Variants in ZNF318 observed in about 807,000 individuals in gnomAD.
ZNF318 encodes the protein zinc finger protein 318, also known as endocrine regulator.
A neutral mutation model predicts 124.2 loss-of-function variants in ZNF318; 51 were observed. That is an observed-to-expected ratio of 0.41 (90% confidence interval 0.33 to 0.52). ZNF318 has a LOEUF of 0.52. ZNF318 is among the 20% of genes least tolerant of loss of function. The pLI is 0.23. For missense variants in ZNF318, 2,815 were observed against 2,811.2 expected, an observed-to-expected ratio of 1.00 and a Z score of -0.03; for synonymous variants, 1,090 against 1,040.7, an observed-to-expected ratio of 1.05 and a Z score of -0.91.
chr6:43,340,997 A>G (rs1779367735), intron 8 of ZNF318, 89 bp from the exon 9 acceptor site: 1 of 976,798 alleles, frequency 1.0e-6, no homozygotes, highest in Non-Finnish European at 1.6e-6. Context: ...CCTTTGCAGT[A>G]AAATGGTTAC....
At chr6:43,354,360 T>C (rs1000401212) in intron 4 of ZNF318, among the ~76,000 whole-genome samples, 1 of 152,202 alleles carries the variant, frequency 6.6e-6, no homozygotes, top group Non-Finnish European at 1.5e-5. Flanking sequence ...CGAAATCATA[T>C]TGAAGACTTC....
chr6:43,360,618 T>C (rs1324493586), intron 2 of ZNF318, among the ~76,000 whole-genome samples: 1 of 152,252 alleles, frequency 6.6e-6, no homozygotes, highest in African/African-American at 2.4e-5. Context: ...TGTATGTCCA[T>C]ATAAAAACTT....
intron 9 of ZNF318, 107 bp from the exon 10 acceptor site, chr6:43,340,609 C>G (rs1406342664): frequency 6.0e-6 from 9 of 1,496,978 alleles, no homozygotes; most frequent in African/African-American, 1.4e-5. Flanking sequence ...CCAGAATTAT[C>G]TTCCTCAAGG....
At chr6:43,360,249 G>A (rs1160244030) in intron 2 of ZNF318, among the ~76,000 whole-genome samples, 1 of 152,098 alleles carries the variant, frequency 6.6e-6, no homozygotes, top group African/African-American at 2.4e-5. Context: ...ATCTCCAGTA[G>A]AGACAGAAAA....
Position 43,369,418 on chromosome 6 carries a change from C to T in ZNF318, c.-53G>A, listed in dbSNP as rs1779807829. The T allele has an allele frequency of 8.6e-7, 1 of 1,161,118 alleles. No homozygotes were observed. Among genetic ancestry groups the T allele is most frequent in the Non-Finnish European group, 1.1e-6 (1 of 941,962 alleles). 71.9% of individuals were successfully genotyped at this position (1,161,118 alleles called of 1,614,324 possible). A position where few individuals can be genotyped will look rare whatever the true frequency, so the allele number is the denominator to read the frequency against. On this transcript the variant is annotated 5_prime_UTR_variant, in exon 1 of 10. Transcript: ENST00000361428. Reference sequence around the variant, plus strand: ...AGCTCTGACCCGGGGGCGCCCTAGACGCAGGCTCGGAGCGCGCCGCCGCAG... The same window carrying T: ...AGCTCTGACCCGGGGGCGCCCTAGATGCAGGCTCGGAGCGCGCCGCCGCAG...
chr6:43,355,894 C>A lies in ZNF318; in HGVS notation c.1440G>T (p.Leu480Phe), dbSNP rs779396833. The A allele has an allele frequency of 1.9e-6, 3 of 1,614,206 alleles. No homozygotes were observed. Among genetic ancestry groups the A allele is most frequent in the South Asian group, 1.1e-5 (1 of 91,088 alleles). ...FGSFLCHKDNLDLKAEGPERH... is the reference protein window; with the variant it reads ...FGSFLCHKDNFDLKAEGPERH... ...GCTCAGGTCCCTCAGCCTTCAAATC[C>A]AAATTATCCTTGTGGCATAGAAAAC... is the stretch of plus-strand genomic sequence containing the variant. Residue 480 changes from leucine (L) to phenylalanine (F), a missense_variant, in exon 4 of 10, where the codon TTG becomes TTT. Around this residue, in one of 4 missense-constraint regions of ZNF318, gnomAD observed 1,377 missense variants for 1,353.5 expected, o/e 1.02. Coordinates refer to ENST00000361428, the MANE Select transcript of ZNF318 (RefSeq NM_014345.3).
chr6:43,368,605 G>C (rs893386946), intron 1 of ZNF318: 28 of 936,540 alleles, frequency 3.0e-5, no homozygotes, highest in Non-Finnish European at 1.9e-5. Context: ...GGTGTAAGGG[G>C]ATGAAAAGTA....
chr6:43,349,242 T>C (rs1779495049), intron 5 of ZNF318, among the ~76,000 whole-genome samples: 1 of 152,188 alleles, frequency 6.6e-6, no homozygotes, highest in South Asian at 2.1e-4. Flanking sequence ...AAAACATTAA[T>C]AAGTGTTGTA....
At chr6:43,368,855 G>A (rs545824061) in intron 1 of ZNF318, 112 bp downstream of exon 1, 350 of 1,237,918 alleles carry the variant, frequency 2.8e-4, no homozygotes, top group Non-Finnish European at 3.3e-4. Context: ...GAGTTGGCCG[G>A]AGGCTTCGCG....
In ZNF318 at chr6:43,357,356, G is replaced by A. The variant is rs1303028729; in HGVS notation, c.958C>T (p.Leu320Phe). The A allele has an allele frequency of 6.2e-7, 1 of 1,614,172 alleles. No homozygotes were observed. Among genetic ancestry groups the A allele is most frequent in the Admixed American group, 1.7e-5 (1 of 60,018 alleles). ...TCTTCCTCTCGCTTTCGTCTGGCAAGATCCAGTTCTCGAAACTCAGGGTCG... is the reference window on the plus strand; with the variant it reads ...TCTTCCTCTCGCTTTCGTCTGGCAAAATCCAGTTCTCGAAACTCAGGGTCG... ...FLDPEFRELDLARRKREEEEE... is the reference protein window; with the variant it reads ...FLDPEFRELDFARRKREEEEE... The change falls in exon 3 of 10, where the codon CTT (leucine) becomes TTT (phenylalanine). Residue 320 changes from leucine (L) to phenylalanine (F), a missense_variant. By Grantham distance (22) the Leu-to-Phe change is conservative. Around this residue, in one of 4 missense-constraint regions of ZNF318, gnomAD observed 1,377 missense variants for 1,353.5 expected, o/e 1.02. Coordinates refer to ENST00000361428, the MANE Select transcript of ZNF318 (RefSeq NM_014345.3).
chr6:43,349,541 T>C (rs1344338759), intron 5 of ZNF318, among the ~76,000 whole-genome samples: 1 of 152,048 alleles, frequency 6.6e-6, no homozygotes, highest in African/African-American at 2.4e-5. Context: ...TTTAATGTTA[T>C]CTCCTGTTCC....
rs199983285 is a variant in ZNF318 at position 43,357,315 on chromosome 6, C to T, written c.999G>A (p.Arg333=). The part of the protein sequence containing the change: ...RKREEEEERS[R]SLSQELVGVD... ...CTCCAACCAGCTCCTGACTCAAGCT[C>T]CTACTTCGCTCCTCCTCTTCCTCTC... is the stretch of plus-strand genomic sequence containing the variant. The change falls in exon 3 of 10, where the codon AGG becomes AGA. Residue 333 remains arginine, a synonymous_variant. Transcript: ENST00000361428. 6.2e-7 allele frequency: 1 copy of T among 1,614,184 alleles called. No homozygotes were observed. Among genetic ancestry groups the T allele is most frequent in the Non-Finnish European group, 8.5e-7 (1 of 1,180,008 alleles).
rs1422085470 is a variant in ZNF318 at position 43,365,378 on chromosome 6, A to T, written c.462T>A (p.Asn154Lys). 1 of 1,614,240 alleles carries T rather than the reference A, an allele frequency of 6.2e-7. No homozygotes were observed. The highest frequency in any genetic ancestry group is 8.5e-7 in the Non-Finnish European group (1 of 1,180,040). The change falls in exon 2 of 10, where the codon AAT becomes AAA. Residue 154 changes from asparagine to lysine, a missense_variant. Physicochemically the swap from Asn to Lys is moderately conservative, Grantham distance 94 (BLOSUM62 0). Transcript: ENST00000361428. ...LEKSLRITVG[N>K]DHFCVSTPER... The stretch of plus-strand genomic sequence containing the variant: ...CTGGTGTGCTAACACAGAAGTGGTC[A>T]TTGCCAACAGTGATCCTTAAGCTCT...
Position 43,340,220 on chromosome 6 carries a change from T to C in ZNF318, c.3778A>G (p.Lys1260Glu). Residue 1260 changes from lysine (K) to glutamate (E), a missense_variant, in exon 10 of 10, where the codon AAA becomes GAA. This residue lies in a region of ZNF318 where 500 missense variants were observed against 605.2 expected (regional missense o/e 0.83). Coordinates refer to ENST00000361428, the MANE Select transcript of ZNF318 (RefSeq NM_014345.3). The stretch of plus-strand genomic sequence containing the variant: ...GGTGATTCCTTCTTTACCTCTTCTT[T>C]TAACTGGAGTTTGATGCCAGTGTTC... Reference protein sequence around the residue: ...KRNTGIKLQLKEEVKKESPTS... With the variant: ...KRNTGIKLQLEEEVKKESPTS... 1.2e-6 allele frequency: 2 copies of C among 1,614,240 alleles called. No homozygotes were observed. The highest frequency in any genetic ancestry group is 1.7e-6 in the Non-Finnish European group (2 of 1,180,040).
In ZNF318 at chr6:43,339,700, G is replaced by A. The variant is rs1779343375; in HGVS notation, c.4298C>T (p.Pro1433Leu). Residue 1433 changes from proline (P) to leucine (L), a missense_variant, in exon 10 of 10, where the codon CCA (proline) becomes CTA (leucine). Coordinates refer to ENST00000361428, the MANE Select transcript of ZNF318 (RefSeq NM_014345.3). This position sits in a 1 kb window ranked among gnomAD's most constrained non-coding sequence, Gnocchi z 4.2. ...EKVVLAEKSE[P>L]SHLPEQILPP... ...TAGTATTTGTTCAGGTAAATGAGAT[G>A]GCTCACTCTTTTCAGCCAACACCAC... 1.9e-6 allele frequency: 3 copies of A among 1,613,934 alleles called. No homozygotes were observed. Among genetic ancestry groups the A allele is most frequent in the Non-Finnish European group, 2.5e-6 (3 of 1,180,000 alleles).
intron 1 of ZNF318, among the ~76,000 whole-genome samples, chr6:43,367,480 G>C (rs1779777486): frequency 6.6e-6 from 1 of 152,202 alleles, no homozygotes; most frequent in South Asian, 2.1e-4. Context: ...AGGTAATAGG[G>C]CTTAGACCAG....
rs3078977 is a variant in ZNF318 at position 43,352,145 on chromosome 6, A to AATCATCATC, written c.2770+223_2770+231dup. Among the ~76,000 whole-genome samples, 39 of 117,120 alleles carry AATCATCATC rather than the reference A, an allele frequency of 3.3e-4. 1 individual carries two copies. Among genetic ancestry groups the AATCATCATC allele is most frequent in the Non-Finnish European group, 5.5e-4 (33 of 59,928 alleles). The allele number at this position is 117,120 out of a possible 152,430, so 76.8% of individuals were successfully genotyped here. ...GGTGAAAGAGCAAAACTTCGTCTCA[A>AATCATCATC]ATCATCATCATCATCATCATCATCA... On this transcript the variant is annotated intron_variant, in intron 5 of 9. Transcript: ENST00000361428.
In ZNF318 at chr6:43,356,019, CCA is replaced by C; in HGVS notation, c.1313_1314del (p.Met438SerfsTer41). The C allele has an allele frequency of 6.2e-7, 1 of 1,614,174 alleles. No individual in the cohort carries two copies. ...TGAGGTTCCTTCAAGGCAGTCTCTA[CCA>C]TAGTCCCCTTGTTTTCAATCTCTGA... Reference protein sequence around the residue: ...FASEIENKGTMVETALKEPQG... With the variant: ...FASEIENKGTXVETALKEPQG... On this transcript the variant is annotated frameshift_variant, in exon 4 of 10. Coordinates refer to ENST00000361428, the MANE Select transcript of ZNF318 (RefSeq NM_014345.3). LOFTEE classifies it high-confidence loss of function.
intron 2 of ZNF318, among the ~76,000 whole-genome samples, chr6:43,362,323 C>T (rs893152706): frequency 3.3e-5 from 5 of 150,214 alleles, no homozygotes; most frequent in African/African-American, 7.4e-5. Context: ...CATGGTAGTC[C>T]GCACCTGTAA....
Sources: gnomAD v4.1 joint callset for allele counts (sites outside exome capture counted in the v4.1 genomes callset) on GRCh38, gnomAD v4.1.1 for gene constraint, gnomAD v4.1.1 regional missense constraint, Gnocchi (gnomAD v3.1) non-coding constraint, MANE v1.5 for transcripts, NCBI Gene and HGNC (gene_info 2026-07-23, HGNC 2026-07-21) for gene names.